The following UPB1 variants were observed in gnomAD, a reference collection of about 807,000 sequenced individuals.
UPB1 encodes beta-ureidopropionase 1.
Under a neutral mutation model 49.1 loss-of-function variants are expected in UPB1, and 40 were observed. The observed-to-expected ratio is 0.81, with a 90% confidence interval of 0.63 to 1.06. The LOEUF (loss-of-function observed/expected upper bound fraction) is 1.06, where lower values mean the gene tolerates loss of function less well. UPB1 is among the 50% of genes least tolerant of loss of function. The pLI is 0.00. For synonymous variants in UPB1, 207 were observed against 198.2 expected (o/e 1.04, Z -0.38); for missense variants, 499 against 505.9 (o/e 0.99, Z 0.13).
intron 3 of UPB1, chr22:24,503,428 C>A (rs955257244): frequency 1.3e-5 from 2 of 152,186 alleles, no homozygotes; most frequent in Non-Finnish European, 2.9e-5. Context: ...TGGTTTATAC[C>A]CTTATTTTAG....
chr22:24,525,209 A>AGGAG (rs1166811169), intron 9 of UPB1, among the ~76,000 whole-genome samples: 1 of 140,950 alleles, frequency 7.1e-6, no homozygotes, highest in Non-Finnish European at 1.6e-5. Flanking sequence ...ACCTTGGGAA[A>AGGAG]GGAGGGAGGG....
chr22:24,504,723 C>CTTTTTTTT (rs35606558), intron 3 of UPB1, among the ~76,000 whole-genome samples: 40 of 91,758 alleles, frequency 4.4e-4, no homozygotes, highest in East Asian at 1.2e-3. Flanking sequence ...GTATTTCCTC[C>CTTTTTTTT]TTTTTTTTTT....
At chr22:24,517,279 C>G (rs928018138) in intron 6 of UPB1, among the ~76,000 whole-genome samples, 2 of 152,194 alleles carry the variant, frequency 1.3e-5, no homozygotes, top group Non-Finnish European at 2.9e-5. Flanking sequence ...CATCTCCCCT[C>G]AGAGAACATA....
At chr22:24,508,107 TG>T (rs930821348) in intron 3 of UPB1, among the ~76,000 whole-genome samples, 1 of 152,176 alleles carries the variant, frequency 6.6e-6, no homozygotes, top group Non-Finnish European at 1.5e-5. Flanking sequence ...TGTCTACAAT[TG>T]TTAATTCTAA....
At chr22:24,515,897 A>T (rs2044285601) in intron 6 of UPB1, among the ~76,000 whole-genome samples, 1 of 152,192 alleles carries the variant, frequency 6.6e-6, no homozygotes, top group African/African-American at 2.4e-5. Context: ...AATCACTTGA[A>T]CTTGGGAGGC....
chr22:24,523,276 G>A (rs1019871965), intron 8 of UPB1, among the ~76,000 whole-genome samples: 1 of 152,230 alleles, frequency 6.6e-6, no homozygotes, highest in African/African-American at 2.4e-5. Context: ...GGCAGATGAA[G>A]GCAGAGCCTC....
At position 24,523,637 on chromosome 22, in the gene UPB1, A is replaced by C. The variant is rs1228330444; in HGVS notation, c.935A>C (p.Tyr312Ser). 6.2e-7 allele frequency: 1 copy of C among 1,614,240 alleles called. No individual in the cohort carries two copies. Among genetic ancestry groups the C allele is most frequent in the Non-Finnish European group, 8.5e-7 (1 of 1,180,034 alleles). Residue 312 changes from tyrosine (Y) to serine (S), a missense_variant, in exon 9 of 10, where the codon TAC becomes TCC. Transcript: ENST00000326010. ...DGKKAHQDFG[Y>S]FYGSSYVAAP... The stretch of plus-strand genomic sequence containing the variant: ...TTTAAAGCTCACCAGGACTTTGGCT[A>C]CTTTTATGGCTCGAGCTATGTGGCA...
intron 6 of UPB1, among the ~76,000 whole-genome samples, chr22:24,516,097 A>G (rs1204884726): frequency 2.6e-5 from 4 of 152,278 alleles, no homozygotes; most frequent in African/African-American, 9.6e-5. Context: ...CCTAGTCCTC[A>G]CATCTGCAGC....
chr22:24,501,611 G>T (rs986586101), intron 2 of UPB1, among the ~76,000 whole-genome samples: 1 of 152,206 alleles, frequency 6.6e-6, no homozygotes, highest in African/African-American at 2.4e-5. Context: ...TAGGTGGGAG[G>T]AGGGAAGTAC....
chr22:24,516,147 T>C (rs951588527), intron 6 of UPB1, among the ~76,000 whole-genome samples: 4 of 152,214 alleles, frequency 2.6e-5, no homozygotes, highest in Non-Finnish European at 4.4e-5. Context: ...CAAGAGAAGC[T>C]GCAAATGAGG....
At chr22:24,504,715 A>G (rs991540741) in intron 3 of UPB1, among the ~76,000 whole-genome samples, 36 of 97,446 alleles carry the variant, frequency 3.7e-4, no homozygotes, top group African/African-American at 1.2e-3. Flanking sequence ...TTTGTTATGT[A>G]TTTCCTCCTT....
chr22:24,512,226 TA>T (rs1242613522), intron 4 of UPB1, among the ~76,000 whole-genome samples: 1 of 152,138 alleles, frequency 6.6e-6, no homozygotes, highest in East Asian at 1.9e-4. Context: ...TTGCAGATGA[TA>T]AGTCTGAGCC....
At position 24,495,335 on chromosome 22, in the gene UPB1, C is replaced by T. The variant is rs535626894; in HGVS notation, c.-69C>T. ...GCAAGGGCGCCTGACCGGGCCTGGG[C>T]ACCTCCTCCCACTGCGGGCAAAGGG... On this transcript the variant is annotated 5_prime_UTR_variant, in exon 1 of 10. Coordinates refer to ENST00000326010, the MANE Select transcript of UPB1 (RefSeq NM_016327.3). 40 of 1,549,144 alleles carry T rather than the reference C, an allele frequency of 2.6e-5. No homozygotes were observed. The highest frequency in any genetic ancestry group is 3.4e-5 in the Non-Finnish European group (38 of 1,129,264).
intron 5 of UPB1, 125 bp from the exon 6 acceptor site, chr22:24,515,075 TG>T: frequency 8.0e-7 from 1 of 1,254,446 alleles, no homozygotes; most frequent in Non-Finnish European, 1.1e-6. Context: ...ATTGAAATTC[TG>T]GAACTTAGAG....
chr22:24,495,769 C>T (rs1035073662), intron 1 of UPB1, among the ~76,000 whole-genome samples: 8 of 152,168 alleles, frequency 5.3e-5, no homozygotes, highest in Non-Finnish European at 1.2e-4. Flanking sequence ...TTTTACTCTC[C>T]AGGGCTTTCT....
intron 3 of UPB1, among the ~76,000 whole-genome samples, chr22:24,504,354 C>T (rs9624486): frequency 0.015 from 2,281 of 152,314 alleles, 43 homozygotes; most frequent in African/African-American, 0.034. Context: ...AAATCATTTT[C>T]CTTCAGAAGT....
chr22:24,498,105 C>G (rs917735040), intron 1 of UPB1, among the ~76,000 whole-genome samples: 1 of 152,146 alleles, frequency 6.6e-6, no homozygotes, highest in African/African-American at 2.4e-5. Context: ...TGTTGAGGGC[C>G]CACTTTCTGG....
At chr22:24,506,455 G>C (rs1013103279) in intron 3 of UPB1, among the ~76,000 whole-genome samples, 3 of 152,180 alleles carry the variant, frequency 2.0e-5, no homozygotes, top group Admixed American at 6.5e-5. Flanking sequence ...CTGCTAGCGG[G>C]ACTCAGTTTT....
At position 24,526,819 on chromosome 22, in the gene UPB1, ACTAG is replaced by A. The variant is rs1452615203; in HGVS notation, c.*1027_*1030del. On this transcript the variant is annotated 3_prime_UTR_variant, in exon 10 of 10. Coordinates refer to ENST00000326010, the MANE Select transcript of UPB1 (RefSeq NM_016327.3). ...GCAGCAATAGTTATTTATGTGCGAGACTAGCCATCAGCCATCAGTTTGTGCCCAG... is the reference window on the plus strand; with the variant it reads ...GCAGCAATAGTTATTTATGTGCGAGACCATCAGCCATCAGTTTGTGCCCAG... The A allele has an allele frequency of 6.6e-6, 1 of 152,152 alleles. No individual in the cohort carries two copies. Among genetic ancestry groups the A allele is most frequent in the Non-Finnish European group, 1.5e-5 (1 of 68,044 alleles). The allele number at this position is 152,152 out of a possible 1,614,324, so 9.4% of individuals were successfully genotyped here.
Sources: allele counts gnomAD v4.1 joint callset (sites outside exome capture counted in the v4.1 genomes callset), GRCh38; gene constraint gnomAD v4.1.1; transcripts MANE v1.5; gene names NCBI Gene and HGNC (gene_info 2026-07-23, HGNC 2026-07-21).